The following EXOC6B variants were observed in gnomAD, a reference collection of about 807,000 sequenced individuals.
EXOC6B encodes exocyst complex component 6B, also known as SEC15 homolog B.
A neutral mutation model predicts 113.5 loss-of-function variants in EXOC6B; 54 were observed. The ratio of observed to expected loss-of-function variants is 0.48; its 90% confidence interval spans 0.38 to 0.60. The LOEUF (loss-of-function observed/expected upper bound fraction) is 0.60. Among genes scored for constraint, EXOC6B ranks in the 20% least tolerant of loss-of-function variants. The pLI is 0.00. For synonymous variants in EXOC6B, 357 were observed against 339.0 expected (o/e 1.05, Z -0.58); for missense variants, 797 against 977.5 (o/e 0.82, Z 2.46).
chr2:72,342,339 T>C (rs1018826858), intron 19 of EXOC6B, among the ~76,000 whole-genome samples: 1 of 151,952 alleles, frequency 6.6e-6, no homozygotes, highest in Non-Finnish European at 1.5e-5. Flanking sequence ...CTTGAAAAGA[T>C]AAACAAAATT....
chr2:72,778,835 TTCG>T (rs1329732521), intron 1 of EXOC6B, among the ~76,000 whole-genome samples: 1 of 152,156 alleles, frequency 6.6e-6, no homozygotes, highest in African/African-American at 2.4e-5. Flanking sequence ...AGTTCCAAAA[TTCG>T]TTTTCTTCAG....
chr2:72,495,884 A>C (rs1050424961), intron 14 of EXOC6B, among the ~76,000 whole-genome samples: 17 of 152,208 alleles, frequency 1.1e-4, no homozygotes, highest in African/African-American at 3.1e-4. Context: ...TATACTACAC[A>C]ATTCCATTTA....
intron 6 of EXOC6B, among the ~76,000 whole-genome samples, chr2:72,714,544 T>C (rs187247176): frequency 7.4e-4 from 112 of 152,176 alleles, no homozygotes; most frequent in African/African-American, 2.6e-3. Context: ...GGGAAAGAAG[T>C]AGTCCCAGAA....
chr2:72,755,134 T>C (rs1464350233), intron 1 of EXOC6B, among the ~76,000 whole-genome samples: 1 of 152,060 alleles, frequency 6.6e-6, no homozygotes, highest in South Asian at 2.1e-4. Context: ...AAGCCATATG[T>C]GGTTTGAGGT....
intron 19 of EXOC6B, among the ~76,000 whole-genome samples, chr2:72,368,361 G>T (rs971014413): frequency 2.6e-5 from 4 of 152,108 alleles, no homozygotes; most frequent in Admixed American, 1.3e-4. Flanking sequence ...CTGAAATTGA[G>T]GCAATAATTA....
intron 20 of EXOC6B, among the ~76,000 whole-genome samples, chr2:72,210,305 T>C (rs569652582): frequency 6.6e-6 from 1 of 152,206 alleles, no homozygotes; most frequent in South Asian, 2.1e-4. Context: ...CAGATCCACA[T>C]ATTTAAGTCA....
chr2:72,782,794 G>C (rs1684134530), intron 1 of EXOC6B, among the ~76,000 whole-genome samples: 1 of 152,074 alleles, frequency 6.6e-6, no homozygotes, highest in African/African-American at 2.4e-5. Context: ...TTCTGGGCCT[G>C]GGCTTAATTC....
At chr2:72,446,378 T>C (rs1696581542) in intron 18 of EXOC6B, among the ~76,000 whole-genome samples, 1 of 142,542 alleles carries the variant, frequency 7.0e-6, no homozygotes, top group East Asian at 2.0e-4. Flanking sequence ...ATACTCTGTC[T>C]CAAAAAAAAA....
chr2:72,491,702 T>A (rs1699754099), intron 16 of EXOC6B, among the ~76,000 whole-genome samples: 1 of 152,252 alleles, frequency 6.6e-6, no homozygotes, highest in Non-Finnish European at 1.5e-5. Context: ...ACATTCAATA[T>A]ATGTAAAATA....
intron 18 of EXOC6B, chr2:72,461,632 A>T (rs1315475405): frequency 2.0e-5 from 3 of 152,016 alleles, no homozygotes; most frequent in Non-Finnish European, 4.4e-5. Context: ...TACAAAATAC[A>T]TTGTATTAAA....
At chr2:72,259,606 C>T (rs1439689955) in intron 20 of EXOC6B, among the ~76,000 whole-genome samples, 1 of 152,186 alleles carries the variant, frequency 6.6e-6, no homozygotes, top group African/African-American at 2.4e-5. Context: ...ACTGCCAAAC[C>T]ATTTTCCACA....
intron 18 of EXOC6B, among the ~76,000 whole-genome samples, chr2:72,412,159 T>C (rs1453614011): frequency 1.3e-5 from 2 of 151,150 alleles, no homozygotes; most frequent in African/African-American, 4.9e-5. Context: ...GATAAAAATC[T>C]CAACAGTAAC....
chr2:72,634,466 C>T (rs1007082917), intron 6 of EXOC6B, among the ~76,000 whole-genome samples: 1 of 152,134 alleles, frequency 6.6e-6, no homozygotes, highest in Non-Finnish European at 1.5e-5. Context: ...CACATCCCCA[C>T]CTTAGGGATG....
chr2:72,752,627 A>G (rs1682131467), intron 1 of EXOC6B, among the ~76,000 whole-genome samples: 1 of 150,420 alleles, frequency 6.6e-6, no homozygotes, highest in African/African-American at 2.5e-5. Flanking sequence ...TTAAGATCTT[A>G]AAAGAGCACA....
chr2:72,361,924 A>C (rs1478876138), intron 19 of EXOC6B, among the ~76,000 whole-genome samples: 1 of 152,230 alleles, frequency 6.6e-6, no homozygotes. Context: ...GAGGAGGTTA[A>C]GTAGTAAATG....
At chr2:72,601,132 G>A (rs867557527) in intron 6 of EXOC6B, among the ~76,000 whole-genome samples, 4 of 117,886 alleles carry the variant, frequency 3.4e-5, no homozygotes, top group Non-Finnish European at 3.6e-5. Flanking sequence ...GTATGTGTGT[G>A]TGTGTGTGTG....
intron 18 of EXOC6B, among the ~76,000 whole-genome samples, chr2:72,387,039 A>G (rs1228211565): frequency 2.0e-5 from 3 of 152,156 alleles, no homozygotes; most frequent in Admixed American, 2.0e-4. Flanking sequence ...ATCCTTTATC[A>G]GATTACATAA....
intron 20 of EXOC6B, among the ~76,000 whole-genome samples, chr2:72,211,974 A>G (rs1204298040): frequency 6.6e-6 from 1 of 152,058 alleles, no homozygotes; most frequent in East Asian, 1.9e-4. Flanking sequence ...ATGAGCCATG[A>G]GCCTCTGACA....
At chr2:72,625,809 A>G (rs561622076) in intron 6 of EXOC6B, among the ~76,000 whole-genome samples, 1 of 152,290 alleles carries the variant, frequency 6.6e-6, no homozygotes. Flanking sequence ...TTACAAACCT[A>G]TGTTCAGGAA....
Sources: gnomAD v4.1 joint callset for allele counts (sites outside exome capture counted in the v4.1 genomes callset) on GRCh38, gnomAD v4.1.1 for gene constraint, MANE v1.5 for transcripts, NCBI Gene and HGNC (gene_info 2026-07-23, HGNC 2026-07-21) for gene names.